Variants in MAP4K4 observed in about 807,000 individuals in gnomAD.
MAP4K4 encodes the protein HPK/GCK-like kinase HGK.
MAP4K4 carries 38 observed loss-of-function variants against 189.6 expected under a neutral mutation model. That is an observed-to-expected ratio of 0.20 (90% CI 0.15 to 0.26). MAP4K4 has a LOEUF of 0.26. Among genes scored for constraint, MAP4K4 ranks in the 10% least tolerant of loss-of-function variants. MAP4K4 has a pLI of 1.00. For missense variants in MAP4K4, 1,054 were observed against 1,726.9 expected, an observed-to-expected ratio of 0.61 and a Z score of 6.91; for synonymous variants, 610 against 624.3, an observed-to-expected ratio of 0.98 and a Z score of 0.34.
intron 2 of MAP4K4, among the ~76,000 whole-genome samples, chr2:101,749,061 T>G (rs1465004896): frequency 3.4e-5 from 5 of 147,332 alleles, no homozygotes; most frequent in Non-Finnish European, 6.0e-5. Context: ...GAAGAATCAA[T>G]ATCATGAAAA....
chr2:101,770,528 C>T (rs746597420), intron 2 of MAP4K4, among the ~76,000 whole-genome samples: 3 of 152,180 alleles, frequency 2.0e-5, no homozygotes, highest in African/African-American at 4.8e-5. Flanking sequence ...CCACCCACAT[C>T]GGCCTCCCAA....
intron 3 of MAP4K4, among the ~76,000 whole-genome samples, chr2:101,805,859 T>A (rs559852434): frequency 6.6e-6 from 1 of 152,332 alleles, no homozygotes; most frequent in Admixed American, 6.5e-5. Context: ...TTGGGATTCT[T>A]GTTTGGCCTG....
At chr2:101,792,687 G>C (rs1170818014) in intron 3 of MAP4K4, among the ~76,000 whole-genome samples, 1 of 150,396 alleles carries the variant, frequency 6.6e-6, no homozygotes, top group East Asian at 1.9e-4. Flanking sequence ...CCAGGCTGGA[G>C]TGCTGTGGTG....
intron 2 of MAP4K4, among the ~76,000 whole-genome samples, chr2:101,766,916 T>C (rs2078871996): frequency 6.6e-6 from 1 of 152,040 alleles, no homozygotes; most frequent in African/African-American, 2.4e-5. Flanking sequence ...CTCCACAGGG[T>C]GGGAGCGGGC....
chr2:101,884,802 G>C (rs957757983), intron 28 of MAP4K4, among the ~76,000 whole-genome samples: 5 of 152,174 alleles, frequency 3.3e-5, no homozygotes, highest in African/African-American at 9.7e-5. Context: ...ACTAGGGAAA[G>C]TTGTAAGGAG....
At chr2:101,808,605 C>T (rs975240665) in intron 3 of MAP4K4, among the ~76,000 whole-genome samples, 2 of 147,144 alleles carry the variant, frequency 1.4e-5, no homozygotes, top group African/African-American at 5.1e-5. Context: ...TAAATTACAG[C>T]TCAGTGAAGC....
intron 28 of MAP4K4, among the ~76,000 whole-genome samples, chr2:101,883,557 A>G (rs1334554604): frequency 6.6e-6 from 1 of 152,176 alleles, no homozygotes; most frequent in African/African-American, 2.4e-5. Context: ...AATGTTAGAC[A>G]TACGGGAGAA....
intron 2 of MAP4K4, among the ~76,000 whole-genome samples, chr2:101,734,593 AT>A (rs1231263325): frequency 1.9e-4 from 2 of 10,292 alleles, no homozygotes; most frequent in East Asian, 6.8e-3. Flanking sequence ...CGCGCACACA[AT>A]CAGAGCCAAT....
chr2:101,753,456 A>G (rs990901005), intron 2 of MAP4K4, among the ~76,000 whole-genome samples: 2 of 152,184 alleles, frequency 1.3e-5, no homozygotes, highest in South Asian at 4.1e-4. Flanking sequence ...GTGGAAATGC[A>G]TTCCCTGGAG....
rs749530295 is a variant in MAP4K4 at position 101,698,149 on chromosome 2, C to G, written c.57+12C>G. On this transcript the variant is annotated intron_variant, in intron 1 of 32. Coordinates refer to ENST00000324219, the Ensembl canonical transcript of MAP4K4. ...TCTCCTCCCTGCGGGTGAGTGGGCC[C>G]GCGAGCGGGCGCGCGGGGAGCGGGC... 6.7e-6 allele frequency: 8 copies of G among 1,201,216 alleles called. No individual in the cohort carries two copies. Among genetic ancestry groups the G allele is most frequent in the Non-Finnish European group, 7.5e-6 (7 of 932,944 alleles). 74.4% of individuals were successfully genotyped at this position (1,201,216 alleles called of 1,614,324 possible). A position where few individuals can be genotyped will look rare whatever the true frequency, so the allele number is the denominator to read the frequency against.
chr2:101,856,079 AAAG>A (rs1427788875), exon 13 of MAP4K4: 28 of 1,551,620 alleles, frequency 1.8e-5, no homozygotes, highest in East Asian at 7.3e-5. Flanking sequence ...GAGAAGGCGC[AAAG>A]AAGAAGAGGA....
intron 2 of MAP4K4, among the ~76,000 whole-genome samples, chr2:101,747,803 G>A (rs534069396): frequency 1.3e-5 from 2 of 152,124 alleles, no homozygotes; most frequent in Non-Finnish European, 2.9e-5. Context: ...GTCTAGTTTG[G>A]TCCAAGAAAT....
exon 26 of MAP4K4, chr2:101,874,102 A>G (rs761179721): frequency 7.4e-6 from 12 of 1,613,480 alleles, no homozygotes; most frequent in Admixed American, 3.3e-5. Context: ...CTGTGATGGG[A>G]TGAGACCAGA....
intron 2 of MAP4K4, among the ~76,000 whole-genome samples, chr2:101,756,228 A>T (rs544466905): frequency 6.6e-6 from 1 of 152,174 alleles, no homozygotes; most frequent in South Asian, 2.1e-4. Context: ...AACAGGCGTG[A>T]GCCACTGTGC....
chr2:101,701,910 G>C (rs2039026696), intron 2 of MAP4K4, among the ~76,000 whole-genome samples: 1 of 152,148 alleles, frequency 6.6e-6, no homozygotes, highest in Admixed American at 6.5e-5. Context: ...CTGTTGCCCA[G>C]GCTGGAGTGC....
chr2:101,887,754 C>T, intron 30 of MAP4K4, 24 bp from the exon 31 acceptor site: 1 of 1,588,326 alleles, frequency 6.3e-7, no homozygotes, highest in Non-Finnish European at 8.6e-7. Context: ...ACGTTCTTCC[C>T]TGTACTTTGT....
chr2:101,708,162 A>G (rs974735704), intron 2 of MAP4K4, among the ~76,000 whole-genome samples: 2 of 152,008 alleles, frequency 1.3e-5, no homozygotes, highest in African/African-American at 4.8e-5. Context: ...TCCCCTTTAT[A>G]TCTTTATTCT....
chr2:101,748,213 T>G (rs777424339), intron 2 of MAP4K4, among the ~76,000 whole-genome samples: 1 of 152,212 alleles, frequency 6.6e-6, no homozygotes, highest in Non-Finnish European at 1.5e-5. Context: ...AAGAATAGTC[T>G]AAAGTTTACC....
chr2:101,803,245 A>ATATGTGTGTG (rs1553484245), intron 3 of MAP4K4, among the ~76,000 whole-genome samples: 2 of 150,244 alleles, frequency 1.3e-5, no homozygotes, highest in African/African-American at 2.5e-5. Flanking sequence ...GATGATGATG[A>ATATGTGTGTG]TGTGTGTGTG....
Sources: gnomAD v4.1 joint callset for allele counts (sites outside exome capture counted in the v4.1 genomes callset) on GRCh38, gnomAD v4.1.1 for gene constraint, MANE v1.5 for transcripts, NCBI Gene and HGNC (gene_info 2026-07-23, HGNC 2026-07-21) for gene names.